TAF1B: variants seen among roughly 807,000 people sequenced by gnomAD.
TAF1B encodes the protein TATA box-binding protein-associated factor RNA polymerase I subunit B.
In TAF1B, 61 loss-of-function variants were observed where a neutral mutation model predicts 83.9. The observed-to-expected ratio is 0.73, with a 90% CI of 0.59 to 0.90. TAF1B has a LOEUF of 0.90. Among genes scored for constraint, TAF1B ranks in the 40% least tolerant of loss-of-function variants. TAF1B has a pLI of 0.00. For synonymous variants in TAF1B, 221 were observed against 224.6 expected, an observed-to-expected ratio of 0.98 and a Z score of 0.14; for missense variants, 625 against 677.0, an observed-to-expected ratio of 0.92 and a Z score of 0.85.
intron 5 of TAF1B, among the ~76,000 whole-genome samples, chr2:9,865,736 A>T (rs986250108): frequency 1.3e-5 from 2 of 151,768 alleles, no homozygotes; most frequent in African/African-American, 4.8e-5. Context: ...ACCAAAACAG[A>T]GATACAGACC....
At chr2:9,870,292 C>T (rs1363643938) in intron 6 of TAF1B, among the ~76,000 whole-genome samples, 1 of 152,050 alleles carries the variant, frequency 6.6e-6, no homozygotes, top group Non-Finnish European at 1.5e-5. Context: ...GAGTCCAAAA[C>T]CAGCCTGGGC....
intron 8 of TAF1B, among the ~76,000 whole-genome samples, chr2:9,902,240 T>C (rs1221771747): frequency 2.0e-5 from 3 of 152,092 alleles, no homozygotes; most frequent in Non-Finnish European, 4.4e-5. Flanking sequence ...TTTTTTTTTT[T>C]TTTACTTTTT....
intron 14 of TAF1B, among the ~76,000 whole-genome samples, chr2:9,926,117 T>G (rs1196707183): frequency 6.6e-6 from 1 of 152,084 alleles, no homozygotes; most frequent in East Asian, 1.9e-4. Flanking sequence ...AGGCTCCAGC[T>G]TACTCTACCC....
chr2:9,860,243 A>T (rs181398455), intron 5 of TAF1B, among the ~76,000 whole-genome samples: 2 of 152,298 alleles, frequency 1.3e-5, no homozygotes, highest in East Asian at 3.9e-4. Flanking sequence ...AGCATCCAAG[A>T]GGAAATTTCA....
intron 8 of TAF1B, among the ~76,000 whole-genome samples, chr2:9,890,497 T>G (rs1300532893): frequency 6.6e-6 from 1 of 152,184 alleles, no homozygotes; most frequent in Non-Finnish European, 1.5e-5. Flanking sequence ...AAAAAAAAAT[T>G]GTAGTCTCTG....
At chr2:9,864,544 A>C (rs1028973080) in intron 5 of TAF1B, among the ~76,000 whole-genome samples, 2 of 152,244 alleles carry the variant, frequency 1.3e-5, no homozygotes, top group African/African-American at 4.8e-5. Context: ...TTCTGAAACT[A>C]TTCCAATCAG....
At chr2:9,856,239 G>A (rs770297999) in intron 5 of TAF1B, among the ~76,000 whole-genome samples, 2 of 151,872 alleles carry the variant, frequency 1.3e-5, no homozygotes, top group African/African-American at 4.8e-5. Context: ...CAAGTCGTAC[G>A]GGATAGTGAT....
chr2:9,921,515 G>T (rs1363265804), intron 14 of TAF1B, among the ~76,000 whole-genome samples: 1 of 152,072 alleles, frequency 6.6e-6, no homozygotes, highest in South Asian at 2.1e-4. Flanking sequence ...TATTTTTTGA[G>T]TACTTGATAA....
chr2:9,931,023 G>T (rs1357477428), intron 14 of TAF1B, among the ~76,000 whole-genome samples: 3 of 152,112 alleles, frequency 2.0e-5, no homozygotes, highest in Non-Finnish European at 4.4e-5. Context: ...TTGCTTGGTA[G>T]ATCTTCCTCC....
In TAF1B at chr2:9,908,449, T is replaced by C. The variant is rs1342372824; in HGVS notation, c.956-2287T>C. Among the ~76,000 whole-genome samples the C allele has an allele frequency of 2.0e-5, 3 of 152,342 alleles. No homozygotes were observed. The East Asian group carries it at 5.8e-4, about 29-fold the overall frequency. On this transcript the variant is annotated intron_variant, in intron 9 of 14. Coordinates refer to ENST00000263663, the MANE Select transcript of TAF1B (RefSeq NM_005680.3). ...ATTTTTAAATTATCTGAGAAGAGAC[T>C]GTAGCTTCTACAACCCAATATAGAT...
In TAF1B at chr2:9,868,427, C is replaced by T; in HGVS notation, c.551C>T (p.Ser184Leu). 1 of 1,609,894 alleles carries T rather than the reference C, an allele frequency of 6.2e-7. No individual in the cohort carries two copies. The highest frequency in any genetic ancestry group is 8.5e-7 in the Non-Finnish European group (1 of 1,177,860). ...TTCCCCGTCAGCAAAGCATCACAATCAGGTAAAAATGAGAACCAAACCATT... is the reference window on the plus strand; with the variant it reads ...TTCCCCGTCAGCAAAGCATCACAATTAGGTAAAAATGAGAACCAAACCATT... ...KPFPVSKASQ[S>L]ETSVCSGSLD... The change falls in exon 6 of 15, where the codon TCA becomes TTA. Residue 184 changes from serine to leucine, a missense_variant and splice_region_variant. Coordinates refer to ENST00000263663, the MANE Select transcript of TAF1B (RefSeq NM_005680.3).
At chr2:9,851,139 G>A (rs575093282) in intron 3 of TAF1B, among the ~76,000 whole-genome samples, 118 of 152,158 alleles carry the variant, frequency 7.8e-4, no homozygotes, top group South Asian at 4.4e-3. Flanking sequence ...GCTGGGCATC[G>A]TTCATCATTT....
intron 14 of TAF1B, among the ~76,000 whole-genome samples, chr2:9,926,468 T>C (rs1302225070): frequency 1.3e-5 from 2 of 152,206 alleles, no homozygotes; most frequent in Non-Finnish European, 2.9e-5. Flanking sequence ...ATTTTGTGTA[T>C]AGACAGTGCC....
intron 6 of TAF1B, among the ~76,000 whole-genome samples, chr2:9,873,619 G>A (rs1237916726): frequency 7.2e-6 from 1 of 138,802 alleles, no homozygotes; most frequent in Non-Finnish European, 1.5e-5. Context: ...CATCAAACTG[G>A]ATTTTTTTTT....
chr2:9,928,609 C>T (rs1572296713), intron 14 of TAF1B, among the ~76,000 whole-genome samples: 2 of 152,092 alleles, frequency 1.3e-5, no homozygotes, highest in African/African-American at 4.8e-5. Context: ...GTATTTTATT[C>T]TTTTTGTAGC....
chr2:9,870,387 C>T (rs760848147), intron 6 of TAF1B, among the ~76,000 whole-genome samples: 12 of 152,138 alleles, frequency 7.9e-5, no homozygotes, highest in Non-Finnish European at 1.8e-4. Flanking sequence ...ACTCAGGTGA[C>T]TGAGGTTGCT....
intron 5 of TAF1B, among the ~76,000 whole-genome samples, chr2:9,858,132 C>G (rs1474845242): frequency 1.3e-5 from 2 of 152,192 alleles, no homozygotes; most frequent in Non-Finnish European, 2.9e-5. Context: ...AAATCAAAAA[C>G]AAGTTAGTTA....
intron 8 of TAF1B, among the ~76,000 whole-genome samples, chr2:9,883,970 T>A (rs962081936): frequency 2.0e-5 from 3 of 152,238 alleles, no homozygotes; most frequent in Non-Finnish European, 4.4e-5. Context: ...CTAGGCTCAT[T>A]TCGCCCACTC....
intron 8 of TAF1B, among the ~76,000 whole-genome samples, chr2:9,903,851 G>C (rs1232716252): frequency 6.6e-6 from 1 of 152,198 alleles, no homozygotes; most frequent in Non-Finnish European, 1.5e-5. Context: ...AAGAAGTAGT[G>C]ATTTTACCAT....
Sources: gnomAD v4.1 joint callset for allele counts (sites outside exome capture counted in the v4.1 genomes callset) on GRCh38, gnomAD v4.1.1 for gene constraint, MANE v1.5 for transcripts, NCBI Gene and HGNC (gene_info 2026-07-23, HGNC 2026-07-21) for gene names.